The following CSF2RB variants were observed in gnomAD, a reference collection of about 807,000 sequenced individuals.
CSF2RB encodes colony stimulating factor 2 receptor subunit beta.
A neutral mutation model predicts 67.2 loss-of-function variants in CSF2RB; 22 were observed. The observed-to-expected ratio is 0.33, with a 90% CI of 0.23 to 0.47. The LOEUF (loss-of-function observed/expected upper bound fraction) is 0.47, where lower values mean the gene tolerates loss of function less well. Ranked by LOEUF, CSF2RB falls within the 20% of genes least tolerant of loss-of-function variation. The probability of loss-of-function intolerance (pLI) is 1.00; values close to 1 mark genes in which losing one functional copy is unlikely to be tolerated. For synonymous variants in CSF2RB, 507 were observed against 482.9 expected (o/e 1.05, Z -0.65); for missense variants, 1,113 against 1,174.5 (o/e 0.95, Z 0.76).
At chr22:36,921,935 G>A in intron 1 of CSF2RB, 101 bp from the exon 2 acceptor site, 1 of 570,062 alleles carries the variant, frequency 1.8e-6, no homozygotes, top group Non-Finnish European at 3.2e-6. Flanking sequence ...GAGAGGTCAT[G>A]CATGAGGGCC....
Position 36,935,703 on chromosome 22 carries a change from G to C in CSF2RB, c.1464+16G>C, listed in dbSNP as rs376642126. The C allele has an allele frequency of 4.8e-5, 78 of 1,611,424 alleles. No individual in the cohort carries two copies. The South Asian group carries it at 8.3e-4, about 17-fold the overall frequency. ...CCTGTTCCAGGTAGGAACTGGCTGC[G>C]AGGGGCGGAGTGGGGGCTTCTCTGT... On this transcript the variant is annotated intron_variant, in intron 12 of 13. Transcript: ENST00000403662.
chr22:36,936,445 T>C (rs1941267372), intron 12 of CSF2RB, 104 bp from the exon 13 acceptor site: 2 of 870,764 alleles, frequency 2.3e-6, no homozygotes, highest in African/African-American at 3.3e-5. Context: ...ATTCTTCTCT[T>C]GTCTGGGGGC....
chr22:36,925,156 G>T (rs1418709460), intron 3 of CSF2RB, among the ~76,000 whole-genome samples: 1 of 152,180 alleles, frequency 6.6e-6, no homozygotes, highest in Non-Finnish European at 1.5e-5. Context: ...AAACAACAGG[G>T]AGGATTTTGT....
intron 4 of CSF2RB, 53 bp from the exon 5 acceptor site, chr22:36,929,349 G>C: frequency 6.2e-7 from 1 of 1,613,348 alleles, no homozygotes; most frequent in Non-Finnish European, 8.5e-7. Flanking sequence ...TGCAGGCCCT[G>C]ACTGCCCCCC....
intron 1 of CSF2RB, among the ~76,000 whole-genome samples, chr22:36,919,216 A>G (rs1436394341): frequency 6.6e-6 from 1 of 152,138 alleles, no homozygotes; most frequent in Non-Finnish European, 1.5e-5. Flanking sequence ...GGTAGCTGAC[A>G]TTGTCTGCCA....
chr22:36,938,814 G>A lies in CSF2RB; in HGVS notation c.*312G>A. The A allele has an allele frequency of 1.9e-6, 1 of 538,912 alleles. No individual in the cohort carries two copies. The allele number at this position is 538,912 out of a possible 1,614,324, so 33.4% of individuals were successfully genotyped here. A position where few individuals can be genotyped will look rare whatever the true frequency, so the allele number is the denominator to read the frequency against. Reference sequence around the variant, plus strand: ...ATCTCCCCCTCATTTTTTTAATCAGGTTTCCTTGCTTTTGCCATTTTTCTT... The same window carrying A: ...ATCTCCCCCTCATTTTTTTAATCAGATTTCCTTGCTTTTGCCATTTTTCTT... On this transcript the variant is annotated 3_prime_UTR_variant, in exon 14 of 14. Coordinates refer to ENST00000403662, the MANE Select transcript of CSF2RB (RefSeq NM_000395.3).
chr22:36,932,219 G>A (rs1340478837), intron 8 of CSF2RB, among the ~76,000 whole-genome samples: 3 of 152,234 alleles, frequency 2.0e-5, no homozygotes, highest in African/African-American at 7.2e-5. Context: ...TGGATCACGT[G>A]AGGTCAGGAG....
In CSF2RB at chr22:36,939,140, C is replaced by G. The variant is rs1034344850; in HGVS notation, c.*638C>G. On this transcript the variant is annotated 3_prime_UTR_variant, in exon 14 of 14. Coordinates refer to ENST00000403662, the MANE Select transcript of CSF2RB (RefSeq NM_000395.3). The stretch of plus-strand genomic sequence containing the variant: ...GGCATGGTATTGGGGGTCGGGGGGG[C>G]GGTGCAAGGGACGCACATGAGAGAC... 2.8e-6 allele frequency: 2 copies of G among 702,026 alleles called. No individual in the cohort carries two copies. Among genetic ancestry groups the G allele is most frequent in the South Asian group, 3.0e-5 (2 of 67,562 alleles). The allele number at this position is 702,026 out of a possible 1,614,324, so 43.5% of individuals were successfully genotyped here. A position where few individuals can be genotyped will look rare whatever the true frequency, so the allele number is the denominator to read the frequency against.
At position 36,938,773 on chromosome 22, in the gene CSF2RB, T is replaced by C; in HGVS notation, c.*271T>C. The C allele has an allele frequency of 3.6e-6, 2 of 558,324 alleles. No homozygotes were observed. The highest frequency in any genetic ancestry group is 6.3e-6 in the Non-Finnish European group (2 of 316,474). The allele number at this position is 558,324 out of a possible 1,614,324, so 34.6% of individuals were successfully genotyped here. ...TAGGTTCTGCATTATTAGAACTTTC[T>C]AGATATACTCATTCCATCTCCCCCT... On this transcript the variant is annotated 3_prime_UTR_variant, in exon 14 of 14. Transcript: ENST00000403662.
In CSF2RB at chr22:36,923,362, G is replaced by A. The variant is rs1940926926; in HGVS notation, c.195G>A (p.Val65=). 2 of 1,613,814 alleles carry A rather than the reference G, an allele frequency of 1.2e-6. No homozygotes were observed. The highest frequency in any genetic ancestry group is 8.5e-7 in the Non-Finnish European group (1 of 1,179,776). The change falls in exon 3 of 14, where the codon GTG becomes GTA. Residue 65 remains valine, a synonymous_variant. Transcript: ENST00000403662. ...RLVNVTLIRR[V]NEDLLEPVSC... is the part of the protein sequence containing the mutation. ...TCAACGTGACCCTCATTCGCCGGGT[G>A]AATGAGTGAGTGATGCTGGGGGCAG...
In CSF2RB at chr22:36,938,112, G is replaced by T. The variant is rs373820480; in HGVS notation, c.2304G>T (p.Glu768Asp). The T allele has an allele frequency of 1.9e-6, 3 of 1,614,062 alleles. No homozygotes were observed. The East Asian group carries it at 6.7e-5, about 36-fold the overall frequency. ...PVKSGFEGYV[E>D]LPPIEGRSPR... ...AGTCAGGGTTTGAGGGCTATGTGGA[G>T]CTCCCTCCAATTGAGGGCCGGTCCC... Residue 768 changes from glutamate (E) to aspartate (D), a missense_variant, in exon 14 of 14, where the codon GAG becomes GAT. Physicochemically the swap from Glu to Asp is conservative, Grantham distance 45. Transcript: ENST00000403662.
chr22:36,931,438 T>C (rs2145810136), intron 8 of CSF2RB, among the ~76,000 whole-genome samples: 1 of 152,358 alleles, frequency 6.6e-6, no homozygotes, highest in African/African-American at 2.4e-5. Context: ...ATTAACTCTC[T>C]TGGGATCCTC....
At chr22:36,924,813 C>T (rs578004742) in intron 3 of CSF2RB, among the ~76,000 whole-genome samples, 188 of 152,270 alleles carry the variant, frequency 1.2e-3, no homozygotes, top group Non-Finnish European at 1.6e-3. Flanking sequence ...TCACCCAGTG[C>T]CCCCGGGGCC....
In CSF2RB at chr22:36,937,458, T is replaced by C; in HGVS notation, c.1650T>C (p.Ser550=). 1.9e-6 allele frequency: 3 copies of C among 1,614,056 alleles called. No individual in the cohort carries two copies. Among genetic ancestry groups the C allele is most frequent in the Non-Finnish European group, 1.7e-6 (2 of 1,179,996 alleles). ...CCAAGCATGTCTGTGATCCACCATC[T>C]GGGCCTGACACGACTCCAGCTGCCT... The part of the protein sequence containing the change: ...EDPKHVCDPP[S]GPDTTPAASD... Residue 550 remains serine, a synonymous_variant, in exon 14 of 14, where the codon TCT becomes TCC. Coordinates refer to ENST00000403662, the MANE Select transcript of CSF2RB (RefSeq NM_000395.3). The surrounding 1 kb of genome is among the most constrained non-coding windows in gnomAD (Gnocchi z 4.6).
At chr22:36,934,241 A>G (rs1295501602) in intron 10 of CSF2RB, among the ~76,000 whole-genome samples, 2 of 152,172 alleles carry the variant, frequency 1.3e-5, no homozygotes, top group Non-Finnish European at 2.9e-5. Flanking sequence ...TGGAGTCAGA[A>G]GTTCTCCACC....
intron 2 of CSF2RB, 107 bp from the exon 3 acceptor site, chr22:36,923,137 C>A (rs1466723773): frequency 1.9e-6 from 3 of 1,557,936 alleles, no homozygotes; most frequent in Non-Finnish European, 2.6e-6. Flanking sequence ...TCTGCAGGGA[C>A]CTGGGAGACC....
At chr22:36,918,325 T>C (rs1438359810) in intron 1 of CSF2RB, among the ~76,000 whole-genome samples, 1 of 152,240 alleles carries the variant, frequency 6.6e-6, no homozygotes, top group Non-Finnish European at 1.5e-5. Flanking sequence ...AATTTTCCCT[T>C]GGTATTTTCA....
Position 36,923,187 on chromosome 22 carries a change from T to C in CSF2RB, c.77-57T>C, listed in dbSNP as rs1359181543. 7.4e-6 allele frequency: 12 copies of C among 1,613,572 alleles called. No homozygotes were observed. The East Asian group carries it at 2.7e-4, about 36-fold the overall frequency. On this transcript the variant is annotated intron_variant, in intron 2 of 13. Coordinates refer to ENST00000403662, the MANE Select transcript of CSF2RB (RefSeq NM_000395.3). ...GACATCCCAAAGCAGCTGGGGGTGA[T>C]GGTGACAAGGGTCCCTGCAGGAAAG...
chr22:36,930,355 A>T lies in CSF2RB; in HGVS notation c.719-20A>T. On this transcript the variant is annotated intron_variant, in intron 6 of 13. Transcript: ENST00000403662. ...GGAGGGATGAATGACGGAGTACATG[A>T]GGACCTGTCTCCAACCCAGGGGATG... 1.2e-6 allele frequency: 2 copies of T among 1,613,288 alleles called. No individual in the cohort carries two copies. Among genetic ancestry groups the T allele is most frequent in the Non-Finnish European group, 1.7e-6 (2 of 1,179,996 alleles).
Sources: gnomAD v4.1 joint callset for allele counts (sites outside exome capture counted in the v4.1 genomes callset) on GRCh38, gnomAD v4.1.1 for gene constraint, Gnocchi (gnomAD v3.1) non-coding constraint, MANE v1.5 for transcripts, NCBI Gene and HGNC (gene_info 2026-07-23, HGNC 2026-07-21) for gene names.